PTPRN2: variants seen among roughly 807,000 people sequenced by gnomAD.
PTPRN2 encodes the protein protein tyrosine phosphatase receptor type N2, also known as receptor-type tyrosine-protein phosphatase N2.
A neutral mutation model predicts 118.8 loss-of-function variants in PTPRN2; 74 were observed. The observed-to-expected ratio is 0.62, with a 90% CI of 0.52 to 0.76. The LOEUF (loss-of-function observed/expected upper bound fraction) is 0.76, where lower values mean the gene tolerates loss of function less well. PTPRN2 is among the 30% of genes least tolerant of loss of function. The probability of loss-of-function intolerance (pLI) is 0.00; values close to 1 mark genes in which losing one functional copy is unlikely to be tolerated. For missense variants in PTPRN2, 1,481 were observed against 1,394.4 expected, an observed-to-expected ratio of 1.06 and a Z score of -0.99; for synonymous variants, 641 against 608.0, an observed-to-expected ratio of 1.05 and a Z score of -0.80.
chr7:158,050,960 C>A (rs1809282311), intron 11 of PTPRN2, among the ~76,000 whole-genome samples: 1 of 152,234 alleles, frequency 6.6e-6, no homozygotes, highest in Non-Finnish European at 1.5e-5. Context: ...ACAACAGCCA[C>A]CTGGAGTGGA....
intron 1 of PTPRN2, among the ~76,000 whole-genome samples, chr7:158,504,652 C>G (rs888410681): frequency 1.3e-5 from 2 of 152,228 alleles, no homozygotes; most frequent in African/African-American, 2.4e-5. Flanking sequence ...GTACACACAA[C>G]TTTATAACCT....
intron 12 of PTPRN2, among the ~76,000 whole-genome samples, chr7:157,843,832 G>C (rs994365035): frequency 2.0e-5 from 3 of 152,222 alleles, no homozygotes; most frequent in Non-Finnish European, 4.4e-5. Flanking sequence ...ATGTTAATTT[G>C]CTGATAGAAA....
intron 21 of PTPRN2, among the ~76,000 whole-genome samples, chr7:157,556,720 C>T (rs921041368): frequency 6.7e-6 from 1 of 149,332 alleles, no homozygotes; most frequent in African/African-American, 2.5e-5. Context: ...CATGTGTGCA[C>T]ATGCCCACAC....
At position 157,953,512 on chromosome 7, in the gene PTPRN2, G is replaced by A. The variant is rs747433298; in HGVS notation, c.1724-54775C>T. Among the ~76,000 whole-genome samples the A allele has an allele frequency of 6.6e-6, 1 of 152,182 alleles. No individual in the cohort carries two copies. The highest frequency in any genetic ancestry group is 1.5e-5 in the Non-Finnish European group (1 of 68,026). ...TCACACCATGAGGCTGCTGGCACGGGTGCCTTTGCTGCCGGCTGCTGTCTG... is the reference window on the plus strand; with the variant it reads ...TCACACCATGAGGCTGCTGGCACGGATGCCTTTGCTGCCGGCTGCTGTCTG... On this transcript the variant is annotated intron_variant, in intron 11 of 22. Coordinates refer to ENST00000389418, the MANE Select transcript of PTPRN2 (RefSeq NM_002847.5). The surrounding 1 kb of genome is among the most constrained non-coding windows in gnomAD (Gnocchi z 4.6).
At chr7:157,559,813 C>T (rs950415847) in intron 21 of PTPRN2, among the ~76,000 whole-genome samples, 1 of 152,150 alleles carries the variant, frequency 6.6e-6, no homozygotes, top group African/African-American at 2.4e-5. Context: ...ACAGCTGCCC[C>T]GACAGGGCTG....
intron 17 of PTPRN2, among the ~76,000 whole-genome samples, chr7:157,584,874 C>T (rs1360432137): frequency 1.3e-5 from 2 of 152,142 alleles, no homozygotes; most frequent in African/African-American, 4.8e-5. Flanking sequence ...TCACCCTGCC[C>T]AGAGGACAGT....
rs1045587100 is a variant in PTPRN2, at chr7:158,265,173, C to A, written c.277+51646G>T. The stretch of plus-strand genomic sequence containing the variant: ...GAGCAGTGACTTGCTCAGAAACTAG[C>A]AAGGCCTCTCGGTAGTGGCCTCCCA... On this transcript the variant is annotated intron_variant, in intron 3 of 22. Transcript: ENST00000389418. 1.3e-4 allele frequency among the ~76,000 whole-genome samples: 20 copies of A among 152,280 alleles called. No homozygotes were observed. In the South Asian group the frequency reaches 1.5e-3, roughly 11 times the overall value.
At chr7:158,122,354 C>T (rs890969142) in intron 9 of PTPRN2, among the ~76,000 whole-genome samples, 1 of 152,178 alleles carries the variant, frequency 6.6e-6, no homozygotes, top group African/African-American at 2.4e-5. Context: ...AAGGCCTCGG[C>T]AAGCACTCAC....
At chr7:157,686,200 C>A (rs62475594) in intron 12 of PTPRN2, among the ~76,000 whole-genome samples, 1 of 152,206 alleles carries the variant, frequency 6.6e-6, no homozygotes, top group South Asian at 2.1e-4. Flanking sequence ...CCTACCCGCC[C>A]GCGGGCGCCG....
intron 11 of PTPRN2, among the ~76,000 whole-genome samples, chr7:158,056,619 C>T (rs1010549862): frequency 2.0e-5 from 3 of 152,218 alleles, no homozygotes; most frequent in Non-Finnish European, 4.4e-5. Flanking sequence ...CCACAAAGCT[C>T]GGTCAGCTGC....
At chr7:157,739,040 G>A (rs978307957) in intron 12 of PTPRN2, 4 of 152,188 alleles carry the variant, frequency 2.6e-5, no homozygotes, top group African/African-American at 7.2e-5. Flanking sequence ...ATTCCAAGGA[G>A]CTTTGAGTGG....
intron 2 of PTPRN2, among the ~76,000 whole-genome samples, chr7:158,472,181 G>A (rs1366397754): frequency 6.6e-6 from 1 of 152,178 alleles, no homozygotes; most frequent in Non-Finnish European, 1.5e-5. Flanking sequence ...GTCACCGTGG[G>A]TCCCAGTAGC....
At chr7:157,994,656 G>A (rs112443061) in intron 11 of PTPRN2, among the ~76,000 whole-genome samples, 197 of 129,546 alleles carry the variant, frequency 1.5e-3, no homozygotes, top group African/African-American at 4.7e-3. Flanking sequence ...CCAGCTTACA[G>A]CTCCTTGTTC....
intron 12 of PTPRN2, among the ~76,000 whole-genome samples, chr7:157,773,244 C>T (rs78804191): frequency 0.045 from 6,861 of 152,264 alleles, 183 homozygotes; most frequent in African/African-American, 0.058. Flanking sequence ...TGGTCATGCT[C>T]CGGCTGGCCT....
chr7:157,738,304 G>A (rs1026711196), intron 12 of PTPRN2, among the ~76,000 whole-genome samples: 2 of 152,170 alleles, frequency 1.3e-5, no homozygotes, highest in Admixed American at 6.5e-5. Context: ...GGAAGGAGGC[G>A]CCCCAGAGGG....
At chr7:158,322,375 G>A (rs1404465733) in intron 2 of PTPRN2, among the ~76,000 whole-genome samples, 2 of 152,180 alleles carry the variant, frequency 1.3e-5, no homozygotes, top group Non-Finnish European at 2.9e-5. Flanking sequence ...CTGACAGAGG[G>A]CACTGACCTC....
chr7:158,375,084 A>G (rs1810396470), intron 2 of PTPRN2, among the ~76,000 whole-genome samples: 1 of 151,966 alleles, frequency 6.6e-6, no homozygotes, highest in South Asian at 2.1e-4. Context: ...GACGTATTTC[A>G]TGGGGGAAAC....
chr7:157,749,447 T>C (rs1585374030), intron 12 of PTPRN2, among the ~76,000 whole-genome samples: 2 of 141,592 alleles, frequency 1.4e-5, no homozygotes, highest in South Asian at 2.3e-4. Flanking sequence ...GCTGTTGAGG[T>C]GATTCTGTGG....
chr7:158,315,304 C>T, intron 3 of PTPRN2, among the ~76,000 whole-genome samples: 1 of 124,270 alleles, frequency 8.0e-6, no homozygotes, highest in African/African-American at 3.2e-5. Flanking sequence ...CCCTGAAGGA[C>T]AGAGGTGAAC....
Sources: gnomAD v4.1 joint callset for allele counts (sites outside exome capture counted in the v4.1 genomes callset) on GRCh38, gnomAD v4.1.1 for gene constraint, Gnocchi (gnomAD v3.1) non-coding constraint, MANE v1.5 for transcripts, NCBI Gene and HGNC (gene_info 2026-07-23, HGNC 2026-07-21) for gene names.